The following NRXN3 variants were observed in gnomAD, a reference collection of about 807,000 sequenced individuals.
The protein encoded by NRXN3 is neurexin III.
A neutral mutation model predicts 137.6 loss-of-function variants in NRXN3; 32 were observed. The ratio of observed to expected loss-of-function variants is 0.23; its 90% CI spans 0.18 to 0.31. The LOEUF (loss-of-function observed/expected upper bound fraction) is 0.31. Among genes scored for constraint, NRXN3 ranks in the 10% least tolerant of loss-of-function variants. The pLI, the probability that NRXN3 is intolerant of heterozygous loss-of-function variation, is 1.00. For missense variants in NRXN3, 1,574 were observed against 2,062.5 expected, an observed-to-expected ratio of 0.76 and a Z score of 4.59; for synonymous variants, 798 against 784.5, an observed-to-expected ratio of 1.02 and a Z score of -0.29.
intron 16 of NRXN3, among the ~76,000 whole-genome samples, chr14:79,543,340 T>C (rs760741828): frequency 2.0e-5 from 3 of 152,326 alleles, no homozygotes; most frequent in Non-Finnish European, 2.9e-5. Context: ...TTGCACACAG[T>C]GTCTTCTACC....
At chr14:78,778,810 T>TTCTTTCTTTCTC (rs2098757683) in intron 8 of NRXN3, among the ~76,000 whole-genome samples, 3 of 144,086 alleles carry the variant, frequency 2.1e-5, no homozygotes, top group African/African-American at 7.8e-5. Flanking sequence ...CTTTCTTTCT[T>TTCTTTCTTTCTC]TCTTTCTTTC....
At chr14:78,586,416 G>C (rs943022708) in intron 4 of NRXN3, among the ~76,000 whole-genome samples, 1 of 152,074 alleles carries the variant, frequency 6.6e-6, no homozygotes, top group Non-Finnish European at 1.5e-5. Context: ...CGTGAGGCTG[G>C]GCAAGTTACT....
At chr14:79,714,108 C>T (rs563809795) in intron 19 of NRXN3, among the ~76,000 whole-genome samples, 2 of 152,226 alleles carry the variant, frequency 1.3e-5, no homozygotes, top group Admixed American at 6.5e-5. Context: ...TATTTCTTTC[C>T]CCTAAAGAGA....
At position 79,552,748 on chromosome 14, in the gene NRXN3, A is replaced by G. The variant is rs182914851; in HGVS notation, c.3444+85346A>G. On this transcript the variant is annotated intron_variant, in intron 16 of 20. Transcript: ENST00000335750. Reference sequence around the variant, plus strand: ...CTGCACTATGGGGCAGGTGATGACAAGCTATAGGAAAGTGAGGGACAGAAC... The same window carrying G: ...CTGCACTATGGGGCAGGTGATGACAGGCTATAGGAAAGTGAGGGACAGAAC... Among the ~76,000 whole-genome samples, 19 of 152,244 alleles carry G rather than the reference A, an allele frequency of 1.2e-4. No individual in the cohort carries two copies. In the East Asian group the frequency reaches 3.7e-3, roughly 29 times the overall value.
At chr14:78,462,906 A>G (rs1357834784) in intron 4 of NRXN3, among the ~76,000 whole-genome samples, 1 of 152,176 alleles carries the variant, frequency 6.6e-6, no homozygotes. Flanking sequence ...ACATGTGTAT[A>G]TTACATAGTA....
intron 19 of NRXN3, among the ~76,000 whole-genome samples, chr14:79,780,879 G>A (rs2099111553): frequency 6.6e-6 from 1 of 151,820 alleles, no homozygotes; most frequent in Non-Finnish European, 1.5e-5. Context: ...CCAAAAATGA[G>A]GAAATATAGA....
At position 78,170,480 on chromosome 14, in the gene NRXN3, C is replaced by T. The variant is rs2058625867; in HGVS notation, c.-898C>T. ...TCTCAGCCTCGGCATCTCCAGCCAC[C>T]AAGGACCTGCTTTTCGCACCTCCAA... On this transcript the variant is annotated 5_prime_UTR_variant, in exon 1 of 21. It introduces an in-frame stop codon into an upstream open reading frame of the 5' UTR. Coordinates refer to ENST00000335750, the MANE Select transcript of NRXN3 (RefSeq NM_001330195.2). The T allele has an allele frequency of 6.6e-6, 1 of 152,290 alleles. No homozygotes were observed. The highest frequency in any genetic ancestry group is 2.1e-4 in the South Asian group (1 of 4,822). 9.4% of individuals were successfully genotyped at this position (152,290 alleles called of 1,614,324 possible).
Position 78,648,669 on chromosome 14 carries a change from G to A in NRXN3, c.1060-2496G>A, listed in dbSNP as rs375996669. ...ACACTACATAAGGCAGACTTTCTAT[G>A]CTAGGTTTGATCTGTAAATGCTTTA... On this transcript the variant is annotated intron_variant, in intron 5 of 20. Coordinates refer to ENST00000335750, the MANE Select transcript of NRXN3 (RefSeq NM_001330195.2). Among the ~76,000 whole-genome samples the A allele has an allele frequency of 2.0e-5, 3 of 152,310 alleles. No homozygotes were observed. The East Asian group carries it at 5.8e-4, about 29-fold the overall frequency.
intron 4 of NRXN3, among the ~76,000 whole-genome samples, chr14:78,382,774 A>G (rs1442135334): frequency 6.6e-6 from 1 of 151,968 alleles, no homozygotes; most frequent in African/African-American, 2.4e-5. Flanking sequence ...TCCAATTTGT[A>G]CTTAGGATTC....
At chr14:79,256,269 G>T (rs147624886) in intron 15 of NRXN3, among the ~76,000 whole-genome samples, 33 of 152,108 alleles carry the variant, frequency 2.2e-4, no homozygotes, top group African/African-American at 7.9e-4. Context: ...TTTTGACTGC[G>T]TAAAATATTG....
intron 4 of NRXN3, among the ~76,000 whole-genome samples, chr14:78,380,230 T>C (rs35601588): frequency 0.097 from 14,649 of 150,620 alleles, 915 homozygotes; most frequent in East Asian, 0.27. Flanking sequence ...AAAAGATGTG[T>C]TTACAGCTTG....
intron 10 of NRXN3, among the ~76,000 whole-genome samples, chr14:78,926,781 A>ATAT (rs1218796750): frequency 8.2e-5 from 3 of 36,538 alleles, no homozygotes; most frequent in South Asian, 6.6e-4. Context: ...TTATATATAT[A>ATAT]AAATATATTA....
intron 15 of NRXN3, among the ~76,000 whole-genome samples, chr14:79,271,065 G>C (rs1034493883): frequency 6.6e-6 from 1 of 152,270 alleles, no homozygotes. Context: ...TTTTAGATCT[G>C]TATCTATCTT....
intron 16 of NRXN3, among the ~76,000 whole-genome samples, chr14:79,544,746 G>T (rs530635469): frequency 6.6e-6 from 1 of 152,332 alleles, no homozygotes; most frequent in Non-Finnish European, 1.5e-5. Context: ...GGTTCTCAAA[G>T]TGTAGTCTCT....
At chr14:78,741,565 C>A (rs73317956) in intron 8 of NRXN3, among the ~76,000 whole-genome samples, 8,843 of 152,194 alleles carry the variant, frequency 0.058, 324 homozygotes, top group African/African-American at 0.067. Flanking sequence ...ATGCATACAA[C>A]TTGATGAGTT....
At chr14:78,200,307 A>T (rs1352363116) in intron 1 of NRXN3, among the ~76,000 whole-genome samples, 1 of 152,182 alleles carries the variant, frequency 6.6e-6, no homozygotes, top group Non-Finnish European at 1.5e-5. Flanking sequence ...ATGGTTGCCG[A>T]TGCGGAAGGA....
At chr14:79,372,037 A>C (rs1332145184) in intron 15 of NRXN3, among the ~76,000 whole-genome samples, 1 of 152,184 alleles carries the variant, frequency 6.6e-6, no homozygotes, top group African/African-American at 2.4e-5. Flanking sequence ...ATATGCTGAT[A>C]TAGATGGCCA....
intron 19 of NRXN3, among the ~76,000 whole-genome samples, chr14:79,772,608 C>T (rs975279722): frequency 1.3e-5 from 2 of 152,178 alleles, no homozygotes; most frequent in Non-Finnish European, 2.9e-5. Context: ...CTTCCTTACA[C>T]CTTATACAAA....
intron 15 of NRXN3, among the ~76,000 whole-genome samples, chr14:79,329,059 T>G (rs888247639): frequency 2.6e-5 from 4 of 152,360 alleles, no homozygotes; most frequent in Middle Eastern, 3.4e-3. Context: ...TTTCTTAGAA[T>G]GCCATCGTTT....
Sources: gnomAD v4.1 joint callset for allele counts (sites outside exome capture counted in the v4.1 genomes callset) on GRCh38, gnomAD v4.1.1 for gene constraint, MANE v1.5 for transcripts, NCBI Gene and HGNC (gene_info 2026-07-23, HGNC 2026-07-21) for gene names.